PLCL1: variants seen among roughly 807,000 people sequenced by gnomAD.
PLCL1 encodes the protein phospholipase C like 1 (inactive).
A neutral mutation model predicts 84.4 loss-of-function variants in PLCL1; 41 were observed. That is an observed-to-expected ratio of 0.49 (90% CI 0.38 to 0.63). The LOEUF is 0.63. PLCL1 is among the 30% of genes least tolerant of loss of function. PLCL1 has a pLI of 0.00. For synonymous variants in PLCL1, 490 were observed against 488.3 expected (o/e 1.00, Z -0.05); for missense variants, 1,206 against 1,367.8 (o/e 0.88, Z 1.87).
chr2:197,959,827 G>T (rs1230323374), intron 1 of PLCL1, among the ~76,000 whole-genome samples: 1 of 152,040 alleles, frequency 6.6e-6, no homozygotes, highest in African/African-American at 2.4e-5. Flanking sequence ...TGTAGGAGTG[G>T]CTTGCAACCT....
intron 1 of PLCL1, among the ~76,000 whole-genome samples, chr2:198,064,548 A>C (rs932386046): frequency 1.3e-5 from 2 of 152,148 alleles, no homozygotes; most frequent in Non-Finnish European, 2.9e-5. Flanking sequence ...TCTATTAGAA[A>C]TTCTATATAA....
At chr2:197,881,838 C>G (rs1262432516) in intron 1 of PLCL1, among the ~76,000 whole-genome samples, 2 of 152,114 alleles carry the variant, frequency 1.3e-5, no homozygotes, top group African/African-American at 4.8e-5. Flanking sequence ...AACAATCAAT[C>G]CATCAACTCA....
chr2:197,918,698 G>T (rs1688642330), intron 1 of PLCL1, among the ~76,000 whole-genome samples: 1 of 152,180 alleles, frequency 6.6e-6, no homozygotes, highest in African/African-American at 2.4e-5. Context: ...GAGGCAGGCA[G>T]ATAGCTTGAG....
chr2:197,861,625 G>A (rs1344059768), intron 1 of PLCL1, among the ~76,000 whole-genome samples: 1 of 152,158 alleles, frequency 6.6e-6, no homozygotes, highest in Non-Finnish European at 1.5e-5. Flanking sequence ...GGAGGATAAG[G>A]AGGGGAAGTC....
chr2:197,902,594 A>T (rs1348768949), intron 1 of PLCL1, among the ~76,000 whole-genome samples: 1 of 152,196 alleles, frequency 6.6e-6, no homozygotes, highest in African/African-American at 2.4e-5. Flanking sequence ...AGGCTAATGG[A>T]TTGTTTGCCC....
chr2:198,062,299 A>G (rs1165287130), intron 1 of PLCL1, among the ~76,000 whole-genome samples: 1 of 152,204 alleles, frequency 6.6e-6, no homozygotes, highest in Non-Finnish European at 1.5e-5. Flanking sequence ...AATTTATACA[A>G]GACAATTGTG....
chr2:197,848,986 T>C (rs1187467345), intron 1 of PLCL1, among the ~76,000 whole-genome samples: 1 of 152,210 alleles, frequency 6.6e-6, no homozygotes, highest in Non-Finnish European at 1.5e-5. Context: ...CTTCACAAAG[T>C]ATATTTTATG....
chr2:197,897,845 A>G (rs1688185653), intron 1 of PLCL1, among the ~76,000 whole-genome samples: 1 of 152,306 alleles, frequency 6.6e-6, no homozygotes, highest in South Asian at 2.1e-4. Context: ...CGCATATCCA[A>G]TGTTACCTCA....
At chr2:197,962,089 C>T (rs1266444428) in intron 1 of PLCL1, among the ~76,000 whole-genome samples, 1 of 152,012 alleles carries the variant, frequency 6.6e-6, no homozygotes, top group African/African-American at 2.4e-5. Context: ...CTCAGAATAG[C>T]TTGCAGAGTT....
intron 5 of PLCL1, among the ~76,000 whole-genome samples, chr2:198,137,556 C>T (rs1160629611): frequency 6.6e-6 from 1 of 152,034 alleles, no homozygotes; most frequent in African/African-American, 2.4e-5. Flanking sequence ...CCATGTATAT[C>T]TGTATCTGTA....
At chr2:198,039,741 T>A (rs1371664) in intron 1 of PLCL1, among the ~76,000 whole-genome samples, 68,313 of 151,984 alleles carry the variant, frequency 0.45, 15,974 homozygotes, top group Middle Eastern at 0.64. Flanking sequence ...GCCATTTAAG[T>A]GTGCAAACAC....
intron 3 of PLCL1, among the ~76,000 whole-genome samples, chr2:198,095,106 A>G (rs1693162321): frequency 6.6e-6 from 1 of 152,216 alleles, no homozygotes; most frequent in Non-Finnish European, 1.5e-5. Flanking sequence ...TGTTCACCAC[A>G]GTGCCATTTC....
rs568844072 is a variant in PLCL1, at chr2:197,897,087, G to A, written c.240+91748G>A. The stretch of plus-strand genomic sequence containing the variant: ...TTCCATAATGATACCTTTGGGGATA[G>A]AAGTATGACTCCTTCTTCTTCTTCT... On this transcript the variant is annotated intron_variant, in intron 1 of 5. Coordinates refer to ENST00000428675, the MANE Select transcript of PLCL1 (RefSeq NM_006226.4). Among the ~76,000 whole-genome samples, 4 of 151,698 alleles carry A rather than the reference G, an allele frequency of 2.6e-5. No individual in the cohort carries two copies. In the East Asian group the frequency reaches 7.8e-4, roughly 29 times the overall value.
intron 1 of PLCL1, among the ~76,000 whole-genome samples, chr2:198,012,685 C>T (rs559297050): frequency 1.3e-5 from 2 of 149,854 alleles, no homozygotes; most frequent in East Asian, 2.0e-4. Flanking sequence ...TGTTTTGATT[C>T]TCCTCTCATT....
rs528465716 is a variant in PLCL1 at position 198,072,669 on chromosome 2, C to T, written c.241-11089C>T. Among the ~76,000 whole-genome samples the T allele has an allele frequency of 2.6e-5, 4 of 152,044 alleles. No homozygotes were observed. In the South Asian group the frequency reaches 8.3e-4, roughly 32 times the overall value. ...GAAGTTTTCTTCTCTTCTCAGTTTACTGAGTTTTGTTGTGAATTGATACTG... is the reference window on the plus strand; with the variant it reads ...GAAGTTTTCTTCTCTTCTCAGTTTATTGAGTTTTGTTGTGAATTGATACTG... On this transcript the variant is annotated intron_variant, in intron 1 of 5. Coordinates refer to ENST00000428675, the MANE Select transcript of PLCL1 (RefSeq NM_006226.4).
chr2:198,076,883 T>C (rs1051541493), intron 1 of PLCL1, among the ~76,000 whole-genome samples: 5 of 152,196 alleles, frequency 3.3e-5, no homozygotes, highest in Non-Finnish European at 7.3e-5. Context: ...GTGTGAACTG[T>C]TAGGCCTTGT....
intron 1 of PLCL1, among the ~76,000 whole-genome samples, chr2:197,918,675 A>G (rs566484612): frequency 1.6e-4 from 24 of 152,272 alleles, no homozygotes; most frequent in Admixed American, 1.4e-3. Context: ...TAATCCCAGC[A>G]CTTTGGGAGG....
chr2:197,962,952 A>G (rs1385266816), intron 1 of PLCL1, among the ~76,000 whole-genome samples: 1 of 152,090 alleles, frequency 6.6e-6, no homozygotes, highest in Non-Finnish European at 1.5e-5. Flanking sequence ...TATATGCACC[A>G]CATTTTCTTT....
intron 5 of PLCL1, among the ~76,000 whole-genome samples, chr2:198,124,837 A>G (rs1259605166): frequency 6.6e-6 from 1 of 152,198 alleles, no homozygotes; most frequent in Non-Finnish European, 1.5e-5. Context: ...TATTTAATTC[A>G]TTATCTTGCT....
Sources: gnomAD v4.1 joint callset for allele counts (sites outside exome capture counted in the v4.1 genomes callset) on GRCh38, gnomAD v4.1.1 for gene constraint, MANE v1.5 for transcripts, NCBI Gene and HGNC (gene_info 2026-07-23, HGNC 2026-07-21) for gene names.